The following CYLD variants were observed in gnomAD, a reference collection of about 807,000 sequenced individuals.
CYLD encodes the protein CYLD lysine 63 deubiquitinase.
Under a neutral mutation model 104.5 loss-of-function variants are expected in CYLD, and 26 were observed. The ratio of observed to expected loss-of-function variants is 0.25; its 90% confidence interval spans 0.18 to 0.35. The LOEUF is 0.35. CYLD is among the 10% of genes least tolerant of loss of function. The pLI, the probability that CYLD is intolerant of heterozygous loss-of-function variation, is 1.00. For missense variants in CYLD, 703 were observed against 1,136.1 expected, an observed-to-expected ratio of 0.62 and a Z score of 5.48; for synonymous variants, 385 against 399.9, an observed-to-expected ratio of 0.96 and a Z score of 0.45.
rs547036418 is a variant in CYLD at position 50,796,790 on chromosome 16, A to G, written c.*282A>G. On this transcript the variant is annotated 3_prime_UTR_variant, in exon 19 of 19. Coordinates refer to ENST00000427738, the MANE Select transcript of CYLD (RefSeq NM_001378743.1). Reference sequence around the variant, plus strand: ...GCTTTAAGTTAAGTGCATTGATCATATGATATTTTTGGAAGCATACAATTT... The same window carrying G: ...GCTTTAAGTTAAGTGCATTGATCATGTGATATTTTTGGAAGCATACAATTT... 4 of 431,042 alleles carry G rather than the reference A, an allele frequency of 9.3e-6. No individual in the cohort carries two copies. The highest frequency in any genetic ancestry group is 8.1e-5 in the South Asian group (3 of 36,994). The allele number at this position is 431,042 out of a possible 1,614,324, so 26.7% of individuals were successfully genotyped here. A position where few individuals can be genotyped will look rare whatever the true frequency, so the allele number is the denominator to read the frequency against.
Position 50,801,357 on chromosome 16 carries a change from A to G in CYLD, c.*4849A>G, listed in dbSNP as rs976350002. On this transcript the variant is annotated 3_prime_UTR_variant, in exon 19 of 19. Transcript: ENST00000427738. Reference sequence around the variant, plus strand: ...TTGCCTTGGCAGTGATGGCATTTTTATTTCACTGTGTTTTAAAGTCTTCAT... The same window carrying G: ...TTGCCTTGGCAGTGATGGCATTTTTGTTTCACTGTGTTTTAAAGTCTTCAT... 9 of 233,378 alleles carry G rather than the reference A, an allele frequency of 3.9e-5. No individual in the cohort carries two copies. Among genetic ancestry groups the G allele is most frequent in the African/African-American group, 1.8e-4 (8 of 45,288 alleles). 14.5% of individuals were successfully genotyped at this position (233,378 alleles called of 1,614,324 possible). A position where few individuals can be genotyped will look rare whatever the true frequency, so the allele number is the denominator to read the frequency against.
intron 4 of CYLD, among the ~76,000 whole-genome samples, chr16:50,753,315 G>C (rs181034162): frequency 5.2e-4 from 79 of 152,272 alleles, no homozygotes; most frequent in Non-Finnish European, 1.0e-3. Flanking sequence ...CTTCATGGAG[G>C]GAAGATTGGA....
At chr16:50,774,140 A>G (rs1969425318) in intron 5 of CYLD, among the ~76,000 whole-genome samples, 1 of 152,244 alleles carries the variant, frequency 6.6e-6, no homozygotes, top group African/African-American at 2.4e-5. Flanking sequence ...ATGTGAACAT[A>G]CTTTAAAAAT....
intron 5 of CYLD, among the ~76,000 whole-genome samples, chr16:50,763,098 T>C (rs1189590828): frequency 6.6e-6 from 1 of 152,220 alleles, no homozygotes; most frequent in Non-Finnish European, 1.5e-5. Flanking sequence ...TTTCTGGACA[T>C]TTCATTTAAA....
chr16:50,801,860 GATGA>G lies in CYLD; in HGVS notation c.*5358_*5361del, dbSNP rs1327234846. On this transcript the variant is annotated 3_prime_UTR_variant, in exon 19 of 19. Transcript: ENST00000427738. ...CCTTAATTTTGTTAAATTTTTTAGA[GATGA>G]ATGAAGTGCTGCTGTGGAAAGAAAT... 1 of 232,786 alleles carries G rather than the reference GATGA, an allele frequency of 4.3e-6. No homozygotes were observed. Among genetic ancestry groups the G allele is most frequent in the Non-Finnish European group, 8.5e-6 (1 of 117,556 alleles). The allele number at this position is 232,786 out of a possible 1,614,324, so 14.4% of individuals were successfully genotyped here.
chr16:50,754,627 C>G (rs1567425600), intron 5 of CYLD, among the ~76,000 whole-genome samples: 1 of 149,524 alleles, frequency 6.7e-6, no homozygotes, highest in Non-Finnish European at 1.5e-5. Context: ...CCCTTGCCAC[C>G]CCCCATTCTT....
At chr16:50,780,755 GT>G (rs1970141680) in intron 9 of CYLD, among the ~76,000 whole-genome samples, 3 of 152,128 alleles carry the variant, frequency 2.0e-5, no homozygotes, top group Non-Finnish European at 4.4e-5. Context: ...CTGGACTCAA[GT>G]GATCTGCCCG....
At position 50,746,798 on chromosome 16, in the gene CYLD, C is replaced by G. The variant is rs568064183; in HGVS notation, c.-123-2778C>G. The stretch of plus-strand genomic sequence containing the variant: ...CAAGCTTATAATCAAATTTATTTAA[C>G]ATAATGTCCTAATGCACATATAGTA... On this transcript the variant is annotated intron_variant, in intron 2 of 18. Transcript: ENST00000427738. 1.3e-3 allele frequency among the ~76,000 whole-genome samples: 203 copies of G among 151,572 alleles called. 2 individuals carry two copies. Among genetic ancestry groups the G allele is most frequent in the Middle Eastern group, 0.01 (3 of 288 alleles).
In CYLD at chr16:50,801,893, C is replaced by T. The variant is rs754758384; in HGVS notation, c.*5385C>T. ...AAGTGCTGCTGTGGAAAGAAATGTA[C>T]ATATACTATTTCTGTATCATTAAAA... On this transcript the variant is annotated 3_prime_UTR_variant, in exon 19 of 19. Coordinates refer to ENST00000427738, the MANE Select transcript of CYLD (RefSeq NM_001378743.1). 6 of 231,290 alleles carry T rather than the reference C, an allele frequency of 2.6e-5. No individual in the cohort carries two copies. Among genetic ancestry groups the T allele is most frequent in the Non-Finnish European group, 5.1e-5 (6 of 116,684 alleles). The allele number at this position is 231,290 out of a possible 1,614,324, so 14.3% of individuals were successfully genotyped here. A position where few individuals can be genotyped will look rare whatever the true frequency, so the allele number is the denominator to read the frequency against.
rs1972379499 is a variant in CYLD, at chr16:50,800,439, C to T, written c.*3931C>T. ...TTATCATACTGTTTCTCTGTGTTTACATACTAATTTGTGTAAGAAATGCAT... is the reference window on the plus strand; with the variant it reads ...TTATCATACTGTTTCTCTGTGTTTATATACTAATTTGTGTAAGAAATGCAT... On this transcript the variant is annotated 3_prime_UTR_variant, in exon 19 of 19. Coordinates refer to ENST00000427738, the MANE Select transcript of CYLD (RefSeq NM_001378743.1). The T allele has an allele frequency of 4.3e-6, 1 of 233,154 alleles. No individual in the cohort carries two copies. 14.4% of individuals were successfully genotyped at this position (233,154 alleles called of 1,614,324 possible). A position where few individuals can be genotyped will look rare whatever the true frequency, so the allele number is the denominator to read the frequency against.
intron 5 of CYLD, among the ~76,000 whole-genome samples, chr16:50,761,908 G>A (rs191454093): frequency 4.7e-4 from 72 of 152,282 alleles, no homozygotes; most frequent in African/African-American, 1.6e-3. Context: ...CCTCTTTACT[G>A]GTTTGAGAGG....
In CYLD at chr16:50,799,619, A is replaced by AT. The variant is rs149875014; in HGVS notation, c.*3119dup. ...TTCCTATCCCTAGGATTCCTTTATTATTTTTTTTCACAGATTTTGAGAACA... is the reference window on the plus strand; with the variant it reads ...TTCCTATCCCTAGGATTCCTTTATTATTTTTTTTTCACAGATTTTGAGAACA... On this transcript the variant is annotated 3_prime_UTR_variant, in exon 19 of 19. Transcript: ENST00000427738. The AT allele has an allele frequency of 1.7e-4, 40 of 233,250 alleles. No homozygotes were observed. The highest frequency in any genetic ancestry group is 2.8e-4 in the Admixed American group (5 of 17,774). The allele number at this position is 233,250 out of a possible 1,614,324, so 14.4% of individuals were successfully genotyped here.
At position 50,798,478 on chromosome 16, in the gene CYLD, G is replaced by C. The variant is rs1210390334; in HGVS notation, c.*1970G>C. On this transcript the variant is annotated 3_prime_UTR_variant, in exon 19 of 19. Transcript: ENST00000427738. ...AAAATATACAGGAGGATGTGTGTCA[G>C]TTATATGCAAATTCTGTACCATTTT... 1.7e-5 allele frequency: 4 copies of C among 232,582 alleles called. No individual in the cohort carries two copies. Among genetic ancestry groups the C allele is most frequent in the Non-Finnish European group, 3.4e-5 (4 of 117,756 alleles). The allele number at this position is 232,582 out of a possible 1,614,324, so 14.4% of individuals were successfully genotyped here.
intron 5 of CYLD, among the ~76,000 whole-genome samples, chr16:50,756,910 C>T (rs1215700007): frequency 6.6e-6 from 1 of 152,136 alleles, no homozygotes; most frequent in African/African-American, 2.4e-5. Flanking sequence ...GAAAGCTGTG[C>T]TCTTTTCAGT....
chr16:50,779,829 C>T lies in CYLD; in HGVS notation c.1303C>T (p.His435Tyr), dbSNP rs766070779. Residue 435 changes from histidine (H) to tyrosine (Y), a missense_variant, in exon 9 of 19, where the codon CAC becomes TAC. Transcript: ENST00000427738. ...GCCCAATACCAATGGAAGTATTGGC[C>T]ACAGTCCACTTTCTCTGTCAGCCCA... ...KMPNTNGSIG[H>Y]SPLSLSAQSV... 1.9e-6 allele frequency: 3 copies of T among 1,613,724 alleles called. No individual in the cohort carries two copies. Among genetic ancestry groups the T allele is most frequent in the Non-Finnish European group, 1.7e-6 (2 of 1,180,002 alleles).
chr16:50,784,520 T>A, intron 12 of CYLD, 69 bp downstream of exon 12: 1 of 1,479,048 alleles, frequency 6.8e-7, no homozygotes, highest in Non-Finnish European at 9.4e-7. Flanking sequence ...GGTATAGTAA[T>A]TAATTTATAC....
chr16:50,760,181 A>G (rs1967742611), intron 5 of CYLD, among the ~76,000 whole-genome samples: 1 of 152,206 alleles, frequency 6.6e-6, no homozygotes, highest in South Asian at 2.1e-4. Flanking sequence ...GTGTGCATCT[A>G]ATTAACTAGA....
Position 50,796,509 on chromosome 16 carries a change from C to T in CYLD, c.*1C>T, listed in dbSNP as rs1186236757. The T allele has an allele frequency of 6.2e-7, 1 of 1,612,646 alleles. No individual in the cohort carries two copies. The highest frequency in any genetic ancestry group is 8.5e-7 in the Non-Finnish European group (1 of 1,179,938). The stretch of plus-strand genomic sequence containing the variant: ...TCCAACAATGAGTTTGTACAAATAA[C>T]TGGGGTCATCGGGAAAGGCAAAGAA... On this transcript the variant is annotated 3_prime_UTR_variant, in exon 19 of 19. Coordinates refer to ENST00000427738, the MANE Select transcript of CYLD (RefSeq NM_001378743.1).
Position 50,749,706 on chromosome 16 carries a change from C to T in CYLD, c.8C>T (p.Ser3Leu). 6.2e-7 allele frequency: 1 copy of T among 1,613,540 alleles called. No individual in the cohort carries two copies. The highest frequency in any genetic ancestry group is 8.5e-7 in the Non-Finnish European group (1 of 1,179,952). The change falls in exon 3 of 19, where the codon TCA (serine) becomes TTA (leucine). Residue 3 changes from serine to leucine, a missense_variant. Physicochemically the swap from Ser to Leu is moderately radical, Grantham distance 145 (BLOSUM62 -2). Transcript: ENST00000427738. The part of the protein sequence containing the change: MS[S>L]GLWSQEKVTS... The stretch of plus-strand genomic sequence containing the variant: ...TTTGAAGTTAATATCACAATGAGTT[C>T]AGGCTTATGGAGCCAAGAAAAAGTC...
Sources: allele counts gnomAD v4.1 joint callset (sites outside exome capture counted in the v4.1 genomes callset), GRCh38; gene constraint gnomAD v4.1.1; transcripts MANE v1.5; gene names NCBI Gene and HGNC (gene_info 2026-07-23, HGNC 2026-07-21).